INVS: variants seen among roughly 807,000 people sequenced by gnomAD.
The protein encoded by INVS is inversin.
In INVS, 86 loss-of-function variants were observed where a neutral mutation model predicts 108.8. The observed-to-expected ratio is 0.79, with a 90% CI of 0.66 to 0.95. The LOEUF (loss-of-function observed/expected upper bound fraction) is 0.95. INVS is among the 40% of genes least tolerant of loss of function. The probability of loss-of-function intolerance (pLI) is 0.00; values close to 1 mark genes in which losing one functional copy is unlikely to be tolerated. For missense variants in INVS, 1,169 were observed against 1,297.4 expected (o/e 0.90, Z 1.52); for synonymous variants, 455 against 473.5 (o/e 0.96, Z 0.51).
intron 2 of INVS, among the ~76,000 whole-genome samples, chr9:100,105,034 T>C (rs1328728522): frequency 6.6e-6 from 1 of 152,190 alleles, no homozygotes; most frequent in Non-Finnish European, 1.5e-5. Flanking sequence ...GTGATTTGCA[T>C]ATATAAGTGA....
intron 3 of INVS, among the ~76,000 whole-genome samples, chr9:100,166,590 G>T (rs1213217585): frequency 6.6e-6 from 1 of 152,174 alleles, no homozygotes; most frequent in Admixed American, 6.5e-5. Context: ...GCCAGGTAGA[G>T]AATTCAATTC....
chr9:100,273,992 C>T (rs934992031), intron 12 of INVS, among the ~76,000 whole-genome samples: 3 of 152,106 alleles, frequency 2.0e-5, no homozygotes, highest in Non-Finnish European at 1.5e-5. Flanking sequence ...TCAAGGACTT[C>T]GCATTTTTTT....
In INVS at chr9:100,145,524, C is replaced by T. The variant is rs184032438; in HGVS notation, c.273+18975C>T. On this transcript the variant is annotated intron_variant, in intron 3 of 16. Coordinates refer to ENST00000262457, the MANE Select transcript of INVS (RefSeq NM_014425.5). ...TAAGGGATCAGGGGGTTCTTGCCCC[C>T]TAGAAAAGTGGTACTTGCCACTAAG... 3.5e-3 allele frequency among the ~76,000 whole-genome samples: 525 copies of T among 151,758 alleles called. 7 individuals carry two copies. The highest frequency in any genetic ancestry group is 5.4e-3 in the East Asian group (28 of 5,148).
intron 3 of INVS, among the ~76,000 whole-genome samples, chr9:100,138,232 C>G (rs1433523343): frequency 2.6e-5 from 4 of 151,846 alleles, no homozygotes; most frequent in Non-Finnish European, 4.4e-5. Flanking sequence ...GTGGTGAAAC[C>G]CCATCTCTAC....
intron 9 of INVS, among the ~76,000 whole-genome samples, chr9:100,252,642 A>G (rs1588123320): frequency 2.6e-5 from 4 of 152,194 alleles, no homozygotes; most frequent in Admixed American, 2.6e-4. Context: ...AAGTAATTTC[A>G]CCTGCCTGAT....
chr9:100,232,674 C>T (rs1038235587), intron 5 of INVS, among the ~76,000 whole-genome samples: 5 of 151,976 alleles, frequency 3.3e-5, no homozygotes, highest in African/African-American at 1.2e-4. Context: ...AGATGTGTGA[C>T]ATTATTTCTG....
chr9:100,235,395 T>A (rs1421264555), intron 5 of INVS, among the ~76,000 whole-genome samples: 1 of 152,222 alleles, frequency 6.6e-6, no homozygotes, highest in Non-Finnish European at 1.5e-5. Context: ...ATGTGTGAAT[T>A]TGATCCTGTT....
chr9:100,161,091 TG>T (rs561106652), intron 3 of INVS, among the ~76,000 whole-genome samples: 278 of 152,050 alleles, frequency 1.8e-3, no homozygotes, highest in Middle Eastern at 6.8e-3. Context: ...ATAAATTGGC[TG>T]GGCATGGTGT....
chr9:100,170,073 T>C (rs1179195313), intron 3 of INVS, among the ~76,000 whole-genome samples: 1 of 152,230 alleles, frequency 6.6e-6, no homozygotes, highest in Non-Finnish European at 1.5e-5. Context: ...TCAATACTAC[T>C]GACTAAGAAT....
At chr9:100,104,851 G>A (rs890206387) in intron 2 of INVS, among the ~76,000 whole-genome samples, 3 of 152,148 alleles carry the variant, frequency 2.0e-5, no homozygotes. Context: ...TATGTATTTA[G>A]CACTAAGTCT....
intron 1 of INVS, among the ~76,000 whole-genome samples, chr9:100,103,174 T>C (rs1827057801): frequency 6.6e-6 from 1 of 152,062 alleles, no homozygotes; most frequent in Non-Finnish European, 1.5e-5. Flanking sequence ...TTTTATTTTT[T>C]TCTGAGTCAG....
intron 10 of INVS, among the ~76,000 whole-genome samples, chr9:100,253,549 T>C (rs1439979696): frequency 6.6e-6 from 1 of 152,176 alleles, no homozygotes; most frequent in African/African-American, 2.4e-5. Flanking sequence ...TATCTCCTAA[T>C]GCTATCCCTC....
chr9:100,300,931 C>T lies in INVS; in HGVS notation c.*257C>T. 1.9e-6 allele frequency: 1 copy of T among 518,576 alleles called. No individual in the cohort carries two copies. The allele number at this position is 518,576 out of a possible 1,614,324, so 32.1% of individuals were successfully genotyped here. A position where few individuals can be genotyped will look rare whatever the true frequency, so the allele number is the denominator to read the frequency against. On this transcript the variant is annotated 3_prime_UTR_variant, in exon 17 of 17. Transcript: ENST00000262457. ...ATGTCTGTGCAAAGTGCCTGAGTGTCTGCTTTCACCTCAGTCTGTACAGTT... is the reference window on the plus strand; with the variant it reads ...ATGTCTGTGCAAAGTGCCTGAGTGTTTGCTTTCACCTCAGTCTGTACAGTT...
intron 4 of INVS, among the ~76,000 whole-genome samples, chr9:100,226,849 A>G (rs527734791): frequency 6.6e-6 from 1 of 150,458 alleles, no homozygotes; most frequent in African/African-American, 2.4e-5. Context: ...GTCCTGTCTT[A>G]ACTCCAAAAC....
intron 11 of INVS, among the ~76,000 whole-genome samples, chr9:100,265,622 A>G (rs1305923433): frequency 2.6e-5 from 4 of 152,248 alleles, no homozygotes; most frequent in Admixed American, 6.5e-5. Flanking sequence ...TGAAGAGGAT[A>G]TTATCAGTCA....
intron 12 of INVS, among the ~76,000 whole-genome samples, chr9:100,282,993 A>G (rs551805363): frequency 6.6e-6 from 1 of 152,278 alleles, no homozygotes; most frequent in East Asian, 1.9e-4. Flanking sequence ...TCAGCCCAAT[A>G]AAGTGTGAGG....
At chr9:100,105,494 CCTT>C (rs754685962) in intron 2 of INVS, among the ~76,000 whole-genome samples, 50 of 152,242 alleles carry the variant, frequency 3.3e-4, no homozygotes, top group Middle Eastern at 3.4e-3. Context: ...ACTCTGTTAA[CCTT>C]CTTCTGTGCT....
At chr9:100,198,472 A>G (rs1447302721) in intron 3 of INVS, among the ~76,000 whole-genome samples, 2 of 150,528 alleles carry the variant, frequency 1.3e-5, no homozygotes, top group Admixed American at 6.6e-5. Context: ...TGTATTTGTA[A>G]TAGAGACGGG....
At chr9:100,274,235 G>C (rs943302184) in intron 12 of INVS, among the ~76,000 whole-genome samples, 1 of 152,106 alleles carries the variant, frequency 6.6e-6, no homozygotes, top group Non-Finnish European at 1.5e-5. Context: ...GTTAGCACCT[G>C]TTATGCCAGC....
Sources: gnomAD v4.1 joint callset for allele counts (sites outside exome capture counted in the v4.1 genomes callset) on GRCh38, gnomAD v4.1.1 for gene constraint, MANE v1.5 for transcripts, NCBI Gene and HGNC (gene_info 2026-07-23, HGNC 2026-07-21) for gene names.